The following HHAT variants were observed in gnomAD, a reference collection of about 807,000 sequenced individuals.
The protein encoded by HHAT is protein-cysteine N-palmitoyltransferase HHAT.
Under a neutral mutation model 70.8 loss-of-function variants are expected in HHAT, and 47 were observed. That is an observed-to-expected ratio of 0.66 (90% CI 0.53 to 0.85). The LOEUF is 0.85. Among genes scored for constraint, HHAT ranks in the 40% least tolerant of loss-of-function variants. The pLI is 0.00. For missense variants in HHAT, 609 were observed against 604.8 expected (o/e 1.01, Z -0.07); for synonymous variants, 228 against 247.6 (o/e 0.92, Z 0.74).
In HHAT at chr1:210,382,747, T is replaced by C. The variant is rs2090739579; in HGVS notation, c.160-4721T>C. The stretch of plus-strand genomic sequence containing the variant: ...CCATTTAGTGAGTATTTTGTGCATG[T>C]CACTGGGCTGGCTTTGTGGTTACGG... On this transcript the variant is annotated intron_variant, in intron 3 of 11. Transcript: ENST00000261458. Among the ~76,000 whole-genome samples the C allele has an allele frequency of 2.0e-5, 3 of 152,298 alleles. No individual in the cohort carries two copies. The South Asian group carries it at 6.2e-4, about 32-fold the overall frequency.
chr1:210,438,768 A>G (rs563211014), intron 7 of HHAT, among the ~76,000 whole-genome samples: 2 of 152,090 alleles, frequency 1.3e-5, no homozygotes, highest in South Asian at 4.1e-4. Context: ...ACCGTAGTGG[A>G]AATGATAGCT....
In HHAT at chr1:210,565,137, A is replaced by G. The variant is rs549337874; in HGVS notation, c.1044-22761A>G. On this transcript the variant is annotated intron_variant, in intron 9 of 11. Transcript: ENST00000261458. Reference sequence around the variant, plus strand: ...GGAGCTAACAAGCAGAGTTAGCCTTAGTCGTGGAAAGGACATCTCTTTAAC... The same window carrying G: ...GGAGCTAACAAGCAGAGTTAGCCTTGGTCGTGGAAAGGACATCTCTTTAAC... 3.9e-5 allele frequency among the ~76,000 whole-genome samples: 6 copies of G among 152,332 alleles called. No homozygotes were observed. The East Asian group carries it at 1.2e-3, about 29-fold the overall frequency.
intron 7 of HHAT, among the ~76,000 whole-genome samples, chr1:210,441,887 A>G (rs2093519448): frequency 6.6e-6 from 1 of 151,898 alleles, no homozygotes; most frequent in Admixed American, 6.6e-5. Context: ...TTTAGGGTAC[A>G]TGTGCACATT....
At chr1:210,488,229 G>T (rs1296099544) in intron 8 of HHAT, among the ~76,000 whole-genome samples, 1 of 152,086 alleles carries the variant, frequency 6.6e-6, no homozygotes, top group East Asian at 1.9e-4. Context: ...CTGCATATCT[G>T]CATCACAGAT....
chr1:210,361,245 C>T (rs2148017885), intron 2 of HHAT, among the ~76,000 whole-genome samples: 1 of 152,350 alleles, frequency 6.6e-6, no homozygotes, highest in Middle Eastern at 3.4e-3. Flanking sequence ...TTTGTTGGAT[C>T]ACAGTAACTT....
At chr1:210,531,176 C>T (rs577047961) in intron 9 of HHAT, among the ~76,000 whole-genome samples, 12 of 152,288 alleles carry the variant, frequency 7.9e-5, no homozygotes, top group Middle Eastern at 3.4e-3. Flanking sequence ...TCTATCTAAA[C>T]ATAGAAGAGG....
chr1:210,411,776 A>G (rs1160658451), intron 6 of HHAT, among the ~76,000 whole-genome samples: 1 of 151,994 alleles, frequency 6.6e-6, no homozygotes, highest in African/African-American at 2.4e-5. Flanking sequence ...GCCAGGAAAG[A>G]CCTGTCCATT....
chr1:210,457,167 T>C (rs1014540305), intron 7 of HHAT, among the ~76,000 whole-genome samples: 7 of 152,136 alleles, frequency 4.6e-5, no homozygotes, highest in African/African-American at 1.4e-4. Context: ...TCTTCCTCCT[T>C]CACCCCCGGC....
intron 9 of HHAT, among the ~76,000 whole-genome samples, chr1:210,563,947 TTTTG>T (rs775488908): frequency 5.3e-5 from 8 of 151,904 alleles, no homozygotes; most frequent in African/African-American, 9.7e-5. Context: ...ACTACATTGT[TTTTG>T]TTTGTTTGTT....
chr1:210,513,330 G>T (rs2094994254), intron 9 of HHAT, 142 bp downstream of exon 9: 2 of 511,012 alleles, frequency 3.9e-6, no homozygotes, highest in African/African-American at 2.0e-5. Context: ...TAACACTATG[G>T]TTTTTTCTGT....
intron 5 of HHAT, among the ~76,000 whole-genome samples, chr1:210,401,360 C>G (rs932157125): frequency 5.3e-5 from 8 of 152,312 alleles, no homozygotes; most frequent in African/African-American, 1.4e-4. Flanking sequence ...GTGATCTGCC[C>G]ACCTTGGCCT....
intron 9 of HHAT, among the ~76,000 whole-genome samples, chr1:210,515,673 G>A (rs891926481): frequency 8.0e-5 from 12 of 149,294 alleles, no homozygotes; most frequent in African/African-American, 2.7e-4. Context: ...CAGGAGAATG[G>A]CATGAACCTG....
At position 210,464,596 on chromosome 1, in the gene HHAT, C is replaced by A; in HGVS notation, c.948C>A (p.Leu316=). ...VPALLMRLDG[L]TPPALPRCVS... is the part of the protein sequence containing the mutation. ...CTCTGCTCATGCGCCTGGATGGACT[C>A]ACTCCACCCGCCCTCCCCCGCTGCG... The change falls in exon 8 of 12, where the codon CTC becomes CTA. Residue 316 remains leucine (L), a synonymous_variant. Coordinates refer to ENST00000261458, the MANE Select transcript of HHAT (RefSeq NM_018194.6). The A allele has an allele frequency of 6.2e-7, 1 of 1,614,160 alleles. No individual in the cohort carries two copies. Among genetic ancestry groups the A allele is most frequent in the South Asian group, 1.1e-5 (1 of 91,086 alleles).
At chr1:210,519,707 T>C (rs2095121490) in intron 9 of HHAT, among the ~76,000 whole-genome samples, 1 of 151,756 alleles carries the variant, frequency 6.6e-6, no homozygotes. Flanking sequence ...TTTTGTTTTT[T>C]GGTAGAGACA....
chr1:210,607,093 A>T (rs1055489668), intron 10 of HHAT, among the ~76,000 whole-genome samples: 2 of 152,004 alleles, frequency 1.3e-5, no homozygotes, highest in Admixed American at 6.6e-5. Flanking sequence ...ATTTTTAACT[A>T]ATCTTCCTGT....
At chr1:210,552,566 A>G (rs910316863) in intron 9 of HHAT, among the ~76,000 whole-genome samples, 1 of 152,240 alleles carries the variant, frequency 6.6e-6, no homozygotes, top group Non-Finnish European at 1.5e-5. Context: ...TGGCAGAGGC[A>G]TCACCTAGTT....
intron 10 of HHAT, among the ~76,000 whole-genome samples, chr1:210,609,776 T>TC (rs1234183504): frequency 6.6e-6 from 1 of 152,216 alleles, no homozygotes; most frequent in Non-Finnish European, 1.5e-5. Flanking sequence ...GGTTTTCTGT[T>TC]CCTGCATTAG....
intron 1 of HHAT, 98 bp downstream of exon 1, chr1:210,329,202 C>G: frequency 8.2e-7 from 1 of 1,226,738 alleles, no homozygotes; most frequent in South Asian, 3.8e-5. Flanking sequence ...AAAACGCTTT[C>G]CGTTTCCTAC....
At chr1:210,653,517 G>A (rs1675624686) in intron 11 of HHAT, among the ~76,000 whole-genome samples, 2 of 138,480 alleles carry the variant, frequency 1.4e-5, no homozygotes, top group Non-Finnish European at 3.1e-5. Context: ...GTGACAGAGC[G>A]AGACCCTGTC....
Sources: gnomAD v4.1 joint callset for allele counts (sites outside exome capture counted in the v4.1 genomes callset) on GRCh38, gnomAD v4.1.1 for gene constraint, MANE v1.5 for transcripts, NCBI Gene and HGNC (gene_info 2026-07-23, HGNC 2026-07-21) for gene names.